The following METAP1D variants were observed in gnomAD, a reference collection of about 807,000 sequenced individuals.
The protein encoded by METAP1D is methionyl aminopeptidase type 1D, mitochondrial, also known as methionine aminopeptidase 1D, mitochondrial.
METAP1D carries 31 observed loss-of-function variants against 40.5 expected under a neutral mutation model. The observed-to-expected ratio is 0.77, with a 90% CI of 0.58 to 1.03. The LOEUF is 1.03. Among genes scored for constraint, METAP1D ranks in the 50% least tolerant of loss-of-function variants. The pLI is 0.00. For missense variants in METAP1D, 411 were observed against 420.7 expected (o/e 0.98, Z 0.20); for synonymous variants, 151 against 146.4 (o/e 1.03, Z -0.22).
At chr2:172,079,071 C>G (rs2105505549) in intron 7 of METAP1D, 144 bp from the exon 8 acceptor site, 5 of 759,938 alleles carry the variant, frequency 6.6e-6, no homozygotes, top group Admixed American at 2.5e-5. Context: ...CTATCCAGGA[C>G]TCCAGAAATC....
intron 1 of METAP1D, among the ~76,000 whole-genome samples, chr2:172,034,965 C>T (rs62183817): frequency 0.13 from 20,040 of 150,050 alleles, 1,660 homozygotes; most frequent in South Asian, 0.22. Flanking sequence ...ATAGAGAAAC[C>T]CTGATTGTTA....
intron 1 of METAP1D, 141 bp downstream of exon 1, chr2:172,000,150 C>A: frequency 1.4e-6 from 1 of 695,488 alleles, no homozygotes; most frequent in Non-Finnish European, 2.1e-6. Flanking sequence ...CACACGCAGG[C>A]ACACACGATG....
intron 1 of METAP1D, among the ~76,000 whole-genome samples, chr2:172,035,686 T>C (rs1457544941): frequency 6.6e-6 from 1 of 152,138 alleles, no homozygotes; most frequent in African/African-American, 2.4e-5. Context: ...GTCTTCTTTG[T>C]CACCCAGGCT....
intron 6 of METAP1D, among the ~76,000 whole-genome samples, chr2:172,076,466 C>T (rs1479836597): frequency 6.6e-6 from 1 of 152,118 alleles, no homozygotes; most frequent in Non-Finnish European, 1.5e-5. Flanking sequence ...ACTTGCCCAC[C>T]AAAGATCCAC....
intron 1 of METAP1D, among the ~76,000 whole-genome samples, chr2:172,026,887 A>T (rs1372308331): frequency 6.6e-6 from 1 of 152,172 alleles, no homozygotes; most frequent in Non-Finnish European, 1.5e-5. Flanking sequence ...TTTATTATCT[A>T]TATTTACTTA....
At chr2:172,000,886 A>G (rs1202419595) in intron 1 of METAP1D, among the ~76,000 whole-genome samples, 1 of 152,082 alleles carries the variant, frequency 6.6e-6, no homozygotes, top group African/African-American at 2.4e-5. Flanking sequence ...CTGTAGTCTC[A>G]GCTATTCTGG....
intron 1 of METAP1D, among the ~76,000 whole-genome samples, chr2:172,018,667 G>C (rs933878487): frequency 6.6e-6 from 1 of 152,132 alleles, no homozygotes; most frequent in African/African-American, 2.4e-5. Flanking sequence ...GGTTAAGGGT[G>C]GGGTACTATG....
At chr2:172,045,811 GTGTGTGTGTATATATATA>G (rs1434784555) in intron 1 of METAP1D, among the ~76,000 whole-genome samples, 34 of 51,724 alleles carry the variant, frequency 6.6e-4, no homozygotes, top group Non-Finnish European at 7.8e-4. Context: ...GTGTGTGTGT[GTGTGTGTGTATATATATA>G]TATATATATA....
rs1336045124 is a variant in METAP1D at position 172,082,002 on chromosome 2, G to C, written c.*1596G>C. ...CCAGGGTTGTAGATTTTTGGATAGA[G>C]GTGTTTCTGATTCTAGTGAGTCTGA... On this transcript the variant is annotated 3_prime_UTR_variant, in exon 10 of 10. Transcript: ENST00000315796. 1 of 152,216 alleles carries C rather than the reference G, an allele frequency of 6.6e-6. No homozygotes were observed. The highest frequency in any genetic ancestry group is 1.5e-5 in the Non-Finnish European group (1 of 68,080). 9.4% of individuals were successfully genotyped at this position (152,216 alleles called of 1,614,324 possible).
intron 8 of METAP1D, 79 bp from the exon 9 acceptor site, chr2:172,080,049 C>G (rs1690662954): frequency 1.5e-6 from 2 of 1,345,844 alleles, no homozygotes; most frequent in Non-Finnish European, 2.1e-6. Context: ...AGAAACTTCT[C>G]TTTTTTAATA....
chr2:172,060,197 C>T (rs1331051725), intron 1 of METAP1D, among the ~76,000 whole-genome samples: 1 of 152,170 alleles, frequency 6.6e-6, no homozygotes, highest in Non-Finnish European at 1.5e-5. Context: ...GGGAGGATCG[C>T]TTGAGCCCAG....
chr2:172,035,909 A>G (rs1689365034), intron 1 of METAP1D, among the ~76,000 whole-genome samples: 1 of 152,072 alleles, frequency 6.6e-6, no homozygotes, highest in Non-Finnish European at 1.5e-5. Flanking sequence ...CTGTCTCCCA[A>G]AGTGCTAAGA....
chr2:172,015,451 T>G (rs910233207), intron 1 of METAP1D, among the ~76,000 whole-genome samples: 1 of 152,014 alleles, frequency 6.6e-6, no homozygotes, highest in Non-Finnish European at 1.5e-5. Context: ...GCCAAAGATT[T>G]AGGTTCAAGA....
At chr2:172,035,147 GTTT>G (rs539548685) in intron 1 of METAP1D, among the ~76,000 whole-genome samples, 57 of 147,730 alleles carry the variant, frequency 3.9e-4, no homozygotes, top group Middle Eastern at 7.0e-3. Context: ...ACTGTACTGT[GTTT>G]TTTTTTTGTT....
chr2:172,013,405 C>T (rs1412162903), intron 1 of METAP1D, among the ~76,000 whole-genome samples: 1 of 152,064 alleles, frequency 6.6e-6, no homozygotes, highest in African/African-American at 2.4e-5. Context: ...TGAACTAGGA[C>T]CGGGGGCAGG....
intron 1 of METAP1D, among the ~76,000 whole-genome samples, chr2:172,036,055 T>C (rs62183818): frequency 0.04 from 6,086 of 152,150 alleles, 164 homozygotes; most frequent in Non-Finnish European, 0.066. Context: ...TGATGGTTCA[T>C]GCCTGTAATG....
chr2:172,079,196 C>T lies in METAP1D; in HGVS notation c.803-19C>T. The T allele has an allele frequency of 6.2e-7, 1 of 1,613,628 alleles. No individual in the cohort carries two copies. The highest frequency in any genetic ancestry group is 2.2e-5 in the East Asian group (1 of 44,870). The stretch of plus-strand genomic sequence containing the variant: ...CTCCCCATTTCCTATTCTCACCCCC[C>T]ATGTTTTTTGTTTTGCAGCAAACGA... On this transcript the variant is annotated intron_variant, in intron 7 of 9. Transcript: ENST00000315796.
intron 3 of METAP1D, 48 bp from the exon 4 acceptor site, chr2:172,065,556 G>T: frequency 6.3e-7 from 1 of 1,596,404 alleles, no homozygotes. Context: ...ATAAATACAA[G>T]AAATGTCTTC....
In METAP1D at chr2:172,080,388, A is replaced by T. The variant is rs139971195; in HGVS notation, c.990A>T (p.Lys330Asn). 7.7e-5 allele frequency: 125 copies of T among 1,613,900 alleles called. No homozygotes were observed. The highest frequency in any genetic ancestry group is 1.0e-4 in the Non-Finnish European group (122 of 1,179,896). ...ITSRGAQILTKLPHEA is the reference protein window; with the variant it reads ...ITSRGAQILTNLPHEA Reference sequence around the variant, plus strand: ...CGAGGGGCGCGCAGATCCTGACCAAACTACCCCATGAGGCCTGAGGAGCCG... The same window carrying T: ...CGAGGGGCGCGCAGATCCTGACCAATCTACCCCATGAGGCCTGAGGAGCCG... Residue 330 changes from lysine to asparagine, a missense_variant, in exon 10 of 10, where the codon AAA (lysine) becomes AAT (asparagine). Lys to Asn is a moderately conservative substitution (Grantham distance 94). Coordinates refer to ENST00000315796, the MANE Select transcript of METAP1D (RefSeq NM_199227.3).
Sources: gnomAD v4.1 joint callset for allele counts (sites outside exome capture counted in the v4.1 genomes callset) on GRCh38, gnomAD v4.1.1 for gene constraint, MANE v1.5 for transcripts, NCBI Gene and HGNC (gene_info 2026-07-23, HGNC 2026-07-21) for gene names.